The following CHN2 variants were observed in gnomAD, a reference collection of about 807,000 sequenced individuals.
The protein encoded by CHN2 is beta-chimaerin.
In CHN2, 35 loss-of-function variants were observed where a neutral mutation model predicts 56.3. The observed-to-expected ratio is 0.62, with a 90% confidence interval of 0.47 to 0.82. The LOEUF (loss-of-function observed/expected upper bound fraction) is 0.82, where lower values mean the gene tolerates loss of function less well. Among genes scored for constraint, CHN2 ranks in the 40% least tolerant of loss-of-function variants. CHN2 has a pLI of 0.00. For missense variants in CHN2, 491 were observed against 580.5 expected (o/e 0.85, Z 1.58); for synonymous variants, 210 against 212.8 (o/e 0.99, Z 0.12).
intron 1 of CHN2, among the ~76,000 whole-genome samples, chr7:29,330,452 A>G (rs1031497637): frequency 4.6e-5 from 7 of 152,152 alleles, no homozygotes; most frequent in African/African-American, 1.7e-4. Flanking sequence ...CCCCGCTTAG[A>G]TGGTTTTTAT....
intron 1 of CHN2, among the ~76,000 whole-genome samples, chr7:29,338,673 G>A (rs1796810748): frequency 6.6e-6 from 1 of 152,146 alleles, no homozygotes; most frequent in African/African-American, 2.4e-5. Flanking sequence ...CCATCTCCCA[G>A]GTTCAAGCAA....
intron 12 of CHN2, among the ~76,000 whole-genome samples, chr7:29,510,985 C>T (rs571111539): frequency 3.0e-4 from 45 of 152,110 alleles, no homozygotes; most frequent in African/African-American, 8.9e-4. Context: ...GTAATGAGGT[C>T]GATGAATTGG....
intron 1 of CHN2, among the ~76,000 whole-genome samples, chr7:29,347,570 T>G (rs546539644): frequency 6.6e-6 from 1 of 152,174 alleles, no homozygotes; most frequent in African/African-American, 2.4e-5. Flanking sequence ...TCGTGAAAAC[T>G]CACCCACTAT....
intron 6 of CHN2, among the ~76,000 whole-genome samples, chr7:29,471,676 G>A (rs573791846): frequency 9.2e-5 from 14 of 152,216 alleles, no homozygotes; most frequent in African/African-American, 2.6e-4. Context: ...GAGAATAATC[G>A]GCGTGGCAGC....
intron 3 of CHN2, among the ~76,000 whole-genome samples, chr7:29,369,601 A>G (rs913239636): frequency 2.0e-5 from 3 of 151,322 alleles, no homozygotes; most frequent in Non-Finnish European, 4.4e-5. Flanking sequence ...ACAGAAAAAG[A>G]GAGAGATAGA....
At chr7:29,418,924 G>A (rs765017782) in intron 6 of CHN2, among the ~76,000 whole-genome samples, 2 of 152,192 alleles carry the variant, frequency 1.3e-5, no homozygotes, top group Non-Finnish European at 2.9e-5. Context: ...GCGAAACTCA[G>A]CAACATGAAT....
rs1056804272 is a variant in CHN2 at position 29,403,523 on chromosome 7, G to A, written c.576+2695G>A. On this transcript the variant is annotated intron_variant, in intron 6 of 12. Coordinates refer to ENST00000222792, the MANE Select transcript of CHN2 (RefSeq NM_004067.4). ...GAGACGATGTTACCTGTGTATCCAA[G>A]AATACTAACGCAGTAATAATTGGCA... 3.9e-5 allele frequency among the ~76,000 whole-genome samples: 6 copies of A among 152,190 alleles called. No individual in the cohort carries two copies. In the South Asian group the frequency reaches 8.3e-4, roughly 21 times the overall value.
chr7:29,390,953 T>G (rs1213139621), intron 3 of CHN2, among the ~76,000 whole-genome samples: 1 of 152,204 alleles, frequency 6.6e-6, no homozygotes, highest in African/African-American at 2.4e-5. Flanking sequence ...ACTTAAACAT[T>G]AAGCTCTTTA....
intron 6 of CHN2, among the ~76,000 whole-genome samples, chr7:29,455,757 A>G (rs1402019015): frequency 6.6e-6 from 1 of 152,204 alleles, no homozygotes; most frequent in Non-Finnish European, 1.5e-5. Context: ...GAGAGAACAG[A>G]GGATAACCTG....
chr7:29,329,763 G>A (rs910482075), intron 1 of CHN2, among the ~76,000 whole-genome samples: 6 of 152,096 alleles, frequency 3.9e-5, no homozygotes, highest in African/African-American at 1.2e-4. Flanking sequence ...TTGTTTAGTC[G>A]GCAAATCTGT....
At chr7:29,470,750 G>A (rs1460094679) in intron 6 of CHN2, among the ~76,000 whole-genome samples, 6 of 152,204 alleles carry the variant, frequency 3.9e-5, no homozygotes, top group African/African-American at 1.4e-4. Context: ...GATTTCCCAG[G>A]CTCCCCTGAG....
chr7:29,194,807 G>A lies in CHN2; in HGVS notation c.-135G>A, dbSNP rs1380171705. On this transcript the variant is annotated 5_prime_UTR_variant, in exon 1 of 13. Coordinates refer to ENST00000222792, the MANE Select transcript of CHN2 (RefSeq NM_004067.4). ...CAGGAAGTGCAGGCAGAGTCCGGAG[G>A]CTGGTGCTTTCTGCGCGTCCCCAGG... The A allele has an allele frequency of 2.5e-5, 17 of 679,744 alleles. No individual in the cohort carries two copies. Among genetic ancestry groups the A allele is most frequent in the Admixed American group, 4.4e-5 (1 of 22,742 alleles). 42.1% of individuals were successfully genotyped at this position (679,744 alleles called of 1,614,324 possible).
intron 1 of CHN2, among the ~76,000 whole-genome samples, chr7:29,350,176 C>G (rs1479011162): frequency 6.6e-6 from 1 of 152,180 alleles, no homozygotes; most frequent in Non-Finnish European, 1.5e-5. Context: ...AGACAAAGCT[C>G]TCACCTCTGC....
Position 29,408,264 on chromosome 7 carries a change from CAA to C in CHN2, c.576+7438_576+7439del, listed in dbSNP as rs568404647. Among the ~76,000 whole-genome samples, 186 of 152,052 alleles carry C rather than the reference CAA, an allele frequency of 1.2e-3. 1 individual carries two copies. Among genetic ancestry groups the C allele is most frequent in the Middle Eastern group, 0.01 (3 of 292 alleles). On this transcript the variant is annotated intron_variant, in intron 6 of 12. Coordinates refer to ENST00000222792, the MANE Select transcript of CHN2 (RefSeq NM_004067.4). ...GTTTGACCCCACCTGCCTATGGAAT[CAA>C]AGTCTTCACTGGTGAAAGGCACCTG... is the stretch of plus-strand genomic sequence containing the variant.
At chr7:29,212,817 C>G (rs554949195) in intron 1 of CHN2, 1 of 1,607,656 alleles carries the variant, frequency 6.2e-7, no homozygotes, top group African/African-American at 1.3e-5. Flanking sequence ...TCAGCACCTA[C>G]CTACCCCAGC....
rs1015805042 is a variant in CHN2 at position 29,403,670 on chromosome 7, G to GA, written c.576+2855dup. On this transcript the variant is annotated intron_variant, in intron 6 of 12. Transcript: ENST00000222792. ...AGATGGAGAGGCAGGGAGGAAGGCA[G>GA]AAAAAAAAAAAAAGTTGTGATGGTT... Among the ~76,000 whole-genome samples, 1,219 of 141,184 alleles carry GA rather than the reference G, an allele frequency of 8.6e-3. 9 individuals carry two copies. The highest frequency in any genetic ancestry group is 0.019 in the African/African-American group (752 of 39,056). 92.6% of individuals were successfully genotyped at this position (141,184 alleles called of 152,430 possible). A position where few individuals can be genotyped will look rare whatever the true frequency, so the allele number is the denominator to read the frequency against.
At chr7:29,417,090 C>T (rs998087410) in intron 6 of CHN2, among the ~76,000 whole-genome samples, 1 of 152,158 alleles carries the variant, frequency 6.6e-6, no homozygotes, top group Non-Finnish European at 1.5e-5. Context: ...ACCTCTGCAG[C>T]GCGTCCTCTC....
chr7:29,414,485 T>G (rs2228688), intron 6 of CHN2, among the ~76,000 whole-genome samples: 42,087 of 151,820 alleles, frequency 0.28, 6,321 homozygotes, highest in South Asian at 0.36. Context: ...GAGTTGGGAA[T>G]TGGAGCGGTG....
intron 2 of CHN2, among the ~76,000 whole-genome samples, chr7:29,160,550 A>G (rs1035614547): frequency 7.2e-5 from 11 of 152,196 alleles, no homozygotes; most frequent in Admixed American, 7.2e-4. Context: ...AAATATAATG[A>G]GAATTCTAAT....
Sources: allele counts gnomAD v4.1 joint callset (sites outside exome capture counted in the v4.1 genomes callset), GRCh38; gene constraint gnomAD v4.1.1; transcripts MANE v1.5; gene names NCBI Gene and HGNC (gene_info 2026-07-23, HGNC 2026-07-21).